The following TBCD variants were observed in gnomAD, a reference collection of about 807,000 sequenced individuals.
TBCD encodes the protein tubulin-specific chaperone D.
TBCD carries 105 observed loss-of-function variants against 169.3 expected under a neutral mutation model. That is an observed-to-expected ratio of 0.62 (90% confidence interval 0.53 to 0.73). TBCD has a LOEUF of 0.73. Ranked by LOEUF, TBCD falls within the 30% of genes least tolerant of loss-of-function variation. The probability of loss-of-function intolerance (pLI) is 0.00; values close to 1 mark genes in which losing one functional copy is unlikely to be tolerated. For synonymous variants in TBCD, 700 were observed against 643.9 expected, an observed-to-expected ratio of 1.09 and a Z score of -1.32; for missense variants, 1,444 against 1,600.1, an observed-to-expected ratio of 0.90 and a Z score of 1.66.
At chr17:82,837,224 A>G (rs993464732) in intron 13 of TBCD, among the ~76,000 whole-genome samples, 5 of 152,222 alleles carry the variant, frequency 3.3e-5, no homozygotes, top group Non-Finnish European at 5.9e-5. Context: ...AGTGAGGTTT[A>G]TAAGGATGAA....
chr17:82,883,732 G>GC (rs1041922348), intron 14 of TBCD, among the ~76,000 whole-genome samples: 5 of 152,176 alleles, frequency 3.3e-5, no homozygotes, highest in African/African-American at 1.2e-4. Flanking sequence ...ACCTTGGTTT[G>GC]CCCCCCTGTC....
Position 82,789,919 on chromosome 17 carries a change from C to T in TBCD, c.772-7838C>T, listed in dbSNP as rs780636814. ...AAATGGGAGCTTCTGTGCTGCTGTC[C>T]GTGCATACGGCCCAGGAGCCGGGCT... On this transcript the variant is annotated intron_variant, in intron 7 of 38. Coordinates refer to ENST00000355528, the MANE Select transcript of TBCD (RefSeq NM_005993.5). This position sits in a 1 kb window ranked among gnomAD's most constrained non-coding sequence, Gnocchi z 4.8. 1.2e-4 allele frequency among the ~76,000 whole-genome samples: 19 copies of T among 152,218 alleles called. No homozygotes were observed. The highest frequency in any genetic ancestry group is 3.4e-4 in the African/African-American group (14 of 41,454).
chr17:82,892,567 A>G (rs1166155628), intron 16 of TBCD, among the ~76,000 whole-genome samples: 1 of 152,106 alleles, frequency 6.6e-6, no homozygotes, highest in Non-Finnish European at 1.5e-5. Flanking sequence ...GGGTGTTCTC[A>G]GGAGTGCTGG....
intron 17 of TBCD, among the ~76,000 whole-genome samples, chr17:82,896,835 TCGGGGTC>T (rs2059521580): frequency 6.6e-6 from 1 of 152,024 alleles, no homozygotes; most frequent in South Asian, 2.1e-4. Flanking sequence ...CTGGATGAGC[TCGGGGTC>T]CGGGATCTGG....
intron 2 of TBCD, 106 bp downstream of exon 2, chr17:82,756,321 A>G (rs1313282358): frequency 3.4e-6 from 4 of 1,182,580 alleles, no homozygotes; most frequent in Non-Finnish European, 3.7e-6. Context: ...TCAAATGCCA[A>G]GAAGTGTCCC....
Position 82,884,178 on chromosome 17 carries a change from C to T in TBCD, c.1509C>T (p.Asp503=). 1 of 1,610,776 alleles carries T rather than the reference C, an allele frequency of 6.2e-7. No homozygotes were observed. Among genetic ancestry groups the T allele is most frequent in the African/African-American group, 1.3e-5 (1 of 75,040 alleles). The change falls in exon 15 of 39, where the codon GAC becomes GAT. Residue 503 remains aspartate, a synonymous_variant. Coordinates refer to ENST00000355528, the MANE Select transcript of TBCD (RefSeq NM_005993.5). This position sits in a 1 kb window ranked among gnomAD's most constrained non-coding sequence, Gnocchi z 4.2. ...ALVIAAVFDR[D]INCRRAASAA... ...TGATTGCTGCGGTGTTTGACCGAGA[C>T]ATAAACTGCAGAAGAGCAGCCTCTG... is the stretch of plus-strand genomic sequence containing the variant.
At position 82,945,383 on chromosome 17, in the gene TBCD, T is replaced by C. The variant is rs1006374074; in HGVS notation, c.*2920T>C. 6.6e-6 allele frequency: 1 copy of C among 152,214 alleles called. No homozygotes were observed. The highest frequency in any genetic ancestry group is 2.4e-5 in the African/African-American group (1 of 41,448). 9.4% of individuals were successfully genotyped at this position (152,214 alleles called of 1,614,324 possible). On this transcript the variant is annotated 3_prime_UTR_variant, in exon 39 of 39. Transcript: ENST00000355528. ...GCAACAGTCCCCAGATACAGAAGCC[T>C]AACAGTCTCACATTTAGACCTGCCA...
At chr17:82,906,190 G>T in intron 20 of TBCD, 137 bp downstream of exon 20, 1 of 684,214 alleles carries the variant, frequency 1.5e-6, no homozygotes, top group South Asian at 1.8e-5. Flanking sequence ...CAGTCGATAG[G>T]CCCCAGGTTG....
At chr17:82,809,805 G>A (rs777028274) in intron 12 of TBCD, 23 bp downstream of exon 12, 1 of 1,611,006 alleles carries the variant, frequency 6.2e-7, no homozygotes, top group South Asian at 1.1e-5. Flanking sequence ...AGCAGGGGAG[G>A]CGTGTGGGCC....
At chr17:82,879,613 G>C (rs7222963) in intron 14 of TBCD, among the ~76,000 whole-genome samples, 11,858 of 152,188 alleles carry the variant, frequency 0.078, 524 homozygotes, top group East Asian at 0.13. Flanking sequence ...CACGTCTGCC[G>C]CTTCCCTCTG....
At chr17:82,777,844 G>T (rs1020688873) in intron 6 of TBCD, among the ~76,000 whole-genome samples, 2 of 128,328 alleles carry the variant, frequency 1.6e-5, no homozygotes, top group Non-Finnish European at 3.5e-5. Flanking sequence ...AACTCCCCCG[G>T]GGAAAGGGAG....
chr17:82,859,684 G>A (rs1275787829), intron 13 of TBCD: 2 of 985,454 alleles, frequency 2.0e-6, no homozygotes, highest in South Asian at 4.7e-5. Flanking sequence ...AGCAGAGGCT[G>A]GAGGCCAGGG....
At chr17:82,845,458 C>G (rs75299132) in intron 13 of TBCD, among the ~76,000 whole-genome samples, 5,638 of 131,272 alleles carry the variant, frequency 0.043, 139 homozygotes, top group South Asian at 0.079. Flanking sequence ...TCCATCTCGT[C>G]TGGCCCGGCC....
intron 8 of TBCD, among the ~76,000 whole-genome samples, chr17:82,798,640 G>A (rs1314141901): frequency 1.3e-5 from 2 of 152,196 alleles, no homozygotes; most frequent in African/African-American, 2.4e-5. Context: ...GGGAGGTCTG[G>A]GCAAAGCCCG....
intron 13 of TBCD, among the ~76,000 whole-genome samples, chr17:82,843,239 T>C (rs879432876): frequency 6.6e-6 from 1 of 152,158 alleles, no homozygotes; most frequent in Non-Finnish European, 1.5e-5. Flanking sequence ...TGCCCAACGG[T>C]GGGGTTCTCC....
intron 13 of TBCD, among the ~76,000 whole-genome samples, chr17:82,855,235 C>CTTTT (rs58346723): frequency 1.9e-5 from 1 of 54,032 alleles, no homozygotes; most frequent in African/African-American, 6.5e-5. Flanking sequence ...AAGGTGTTTG[C>CTTTT]TTTTTTTTTT....
chr17:82,796,574 G>C (rs78056681), intron 7 of TBCD, among the ~76,000 whole-genome samples: 7,965 of 152,272 alleles, frequency 0.052, 335 homozygotes, highest in African/African-American at 0.11. Flanking sequence ...AGAGGAACAG[G>C]AGCGCAGAGA....
chr17:82,768,591 T>G, intron 5 of TBCD, 25 bp downstream of exon 5: 2 of 1,609,876 alleles, frequency 1.2e-6, no homozygotes, highest in Non-Finnish European at 1.7e-6. Context: ...GATAATTAGC[T>G]GCTAATTAGT....
chr17:82,835,115 AT>A lies in TBCD; in HGVS notation c.1318+20189del, dbSNP rs934059790. ...TTAAGAAAACTGTTTCAACTGCAGT[AT>A]TTTTTTTAAGGAATGGGCAGATGTG... is the stretch of plus-strand genomic sequence containing the variant. On this transcript the variant is annotated intron_variant, in intron 13 of 38. Coordinates refer to ENST00000355528, the MANE Select transcript of TBCD (RefSeq NM_005993.5). This position sits in a 1 kb window ranked among gnomAD's most constrained non-coding sequence, Gnocchi z 4.5. Among the ~76,000 whole-genome samples the A allele has an allele frequency of 1.2e-4, 18 of 152,106 alleles. No individual in the cohort carries two copies. In the East Asian group the frequency reaches 2.5e-3, roughly 21 times the overall value.
Sources: gnomAD v4.1 joint callset for allele counts (sites outside exome capture counted in the v4.1 genomes callset) on GRCh38, gnomAD v4.1.1 for gene constraint, Gnocchi (gnomAD v3.1) non-coding constraint, MANE v1.5 for transcripts, NCBI Gene and HGNC (gene_info 2026-07-23, HGNC 2026-07-21) for gene names.